AGMO: variants seen among roughly 807,000 people sequenced by gnomAD.
AGMO encodes the protein glyceryl-ether monooxygenase.
Under a neutral mutation model 60.2 loss-of-function variants are expected in AGMO, and 75 were observed. The ratio of observed to expected loss-of-function variants is 1.25; its 90% CI spans 1.03 to 1.51. The LOEUF (loss-of-function observed/expected upper bound fraction) is 1.51. Ranked by LOEUF, AGMO falls within the 40% of genes most tolerant of loss-of-function variation. AGMO has a pLI of 0.00. For missense variants in AGMO, 763 were observed against 525.5 expected (o/e 1.45, Z -4.42); for synonymous variants, 261 against 177.1 (o/e 1.47, Z -3.76).
chr7:15,395,696 T>C (rs1784345881), intron 5 of AGMO, among the ~76,000 whole-genome samples: 1 of 152,210 alleles, frequency 6.6e-6, no homozygotes, highest in Non-Finnish European at 1.5e-5. Flanking sequence ...TTATTCTAAT[T>C]TTATGAATGT....
At chr7:15,171,342 T>C in the AGMO span, among the ~76,000 whole-genome samples, 3 of 152,188 alleles carry the variant, frequency 2.0e-5, no homozygotes, top group African/African-American at 7.2e-5. Flanking sequence ...ACACATTCTA[T>C]CAAGGGTACA....
the AGMO span, among the ~76,000 whole-genome samples, chr7:15,162,386 G>A: frequency 4.6e-5 from 7 of 152,118 alleles, no homozygotes; most frequent in Non-Finnish European, 8.8e-5. Context: ...ATTTTAGGAT[G>A]GGGTGATTAG....
intron 6 of AGMO, among the ~76,000 whole-genome samples, chr7:15,393,553 G>A (rs912003648): frequency 6.6e-6 from 1 of 152,148 alleles, no homozygotes; most frequent in African/African-American, 2.4e-5. Flanking sequence ...AGGGCTTGGG[G>A]TACACAATGT....
downstream of AGMO, among the ~76,000 whole-genome samples, chr7:15,197,672 T>C (rs1299555702): frequency 6.6e-6 from 1 of 152,240 alleles, no homozygotes; most frequent in East Asian, 1.9e-4. Context: ...AAACTTACGA[T>C]GTTGCCATTC....
the AGMO span, among the ~76,000 whole-genome samples, chr7:15,164,528 C>T: frequency 6.6e-6 from 1 of 151,886 alleles, no homozygotes; most frequent in Non-Finnish European, 1.5e-5. Context: ...TCAAAAAACT[C>T]CACAAGACAA....
At chr7:15,158,576 A>T in the AGMO span, among the ~76,000 whole-genome samples, 1 of 152,222 alleles carries the variant, frequency 6.6e-6, no homozygotes. Context: ...AATAGCATTC[A>T]TGCAAAGGAA....
At chr7:15,559,562 A>T (rs74438032) in intron 2 of AGMO, among the ~76,000 whole-genome samples, 2,045 of 152,190 alleles carry the variant, frequency 0.013, 43 homozygotes, top group African/African-American at 0.047. Flanking sequence ...TAAACATGAC[A>T]AATAGACAGG....
intron 12 of AGMO, among the ~76,000 whole-genome samples, chr7:15,286,477 G>A (rs1784103171): frequency 6.6e-6 from 1 of 151,928 alleles, no homozygotes; most frequent in Admixed American, 6.6e-5. Context: ...AAAAAATGCT[G>A]AACATCACTA....
intron 3 of AGMO, among the ~76,000 whole-genome samples, chr7:15,478,218 A>T (rs1454355974): frequency 1.3e-5 from 2 of 152,144 alleles, no homozygotes; most frequent in Admixed American, 1.3e-4. Flanking sequence ...CTGGACTAGA[A>T]ATTAGAAGAA....
At chr7:15,545,234 T>C (rs1784745333) in intron 2 of AGMO, among the ~76,000 whole-genome samples, 2 of 152,154 alleles carry the variant, frequency 1.3e-5, no homozygotes, top group African/African-American at 2.4e-5. Context: ...ACAACATAAA[T>C]AGGACAAGAC....
At chr7:15,520,182 A>C (rs1783942079) in intron 3 of AGMO, among the ~76,000 whole-genome samples, 1 of 152,156 alleles carries the variant, frequency 6.6e-6, no homozygotes. Context: ...ATACAGGAGC[A>C]CCCAGATTCA....
At chr7:15,163,469 G>A in the AGMO span, among the ~76,000 whole-genome samples, 1 of 151,978 alleles carries the variant, frequency 6.6e-6, no homozygotes, top group Non-Finnish European at 1.5e-5. Flanking sequence ...GTCATATATG[G>A]CTTTTATTAT....
chr7:15,159,377 A>AT, the AGMO span, among the ~76,000 whole-genome samples: 4 of 152,264 alleles, frequency 2.6e-5, no homozygotes, highest in South Asian at 2.1e-4. Flanking sequence ...CAGTGCAGAG[A>AT]TTGATTGCTT....
chr7:15,211,483 A>G (rs545312002), intron 12 of AGMO, among the ~76,000 whole-genome samples: 1 of 152,114 alleles, frequency 6.6e-6, no homozygotes, highest in East Asian at 1.9e-4. Flanking sequence ...GTGGGTAACT[A>G]TTACAATTAT....
chr7:15,341,790 G>C (rs1478563011), intron 12 of AGMO, among the ~76,000 whole-genome samples: 1 of 152,262 alleles, frequency 6.6e-6, no homozygotes, highest in South Asian at 2.1e-4. Flanking sequence ...CATGGCAGAA[G>C]GCAAAGGAGG....
intron 12 of AGMO, among the ~76,000 whole-genome samples, chr7:15,284,764 C>A (rs1305956828): frequency 6.6e-6 from 1 of 151,400 alleles, no homozygotes; most frequent in Non-Finnish European, 1.5e-5. Flanking sequence ...AAGTATATAA[C>A]AACAACAACA....
rs530442024 is a variant in AGMO, at chr7:15,558,488, C to A, written c.257+1653G>T. Among the ~76,000 whole-genome samples the A allele has an allele frequency of 4.1e-4, 62 of 152,052 alleles. 1 individual carries two copies. In the South Asian group the frequency reaches 6.2e-3, roughly 15 times the overall value. ...CTAAATCTACATCTAAATCTATATA[C>A]CCTTGGGCATGTTGAATGTTTTTCT... On this transcript the variant is annotated intron_variant, in intron 2 of 12. Coordinates refer to ENST00000342526, the MANE Select transcript of AGMO (RefSeq NM_001004320.2).
intron 12 of AGMO, among the ~76,000 whole-genome samples, chr7:15,308,873 G>A (rs1354655297): frequency 1.3e-5 from 2 of 152,256 alleles, no homozygotes; most frequent in South Asian, 2.1e-4. Context: ...AACACATTCA[G>A]TCAATGTATG....
chr7:15,441,849 A>T (rs921565648), intron 3 of AGMO, among the ~76,000 whole-genome samples: 1 of 152,216 alleles, frequency 6.6e-6, no homozygotes, highest in Non-Finnish European at 1.5e-5. Context: ...TGAAATCACT[A>T]GGTAGAAAGT....
Sources: gnomAD v4.1 joint callset for allele counts (sites outside exome capture counted in the v4.1 genomes callset) on GRCh38, gnomAD v4.1.1 for gene constraint, MANE v1.5 for transcripts, NCBI Gene and HGNC (gene_info 2026-07-23, HGNC 2026-07-21) for gene names.